FBXO42: variants seen among roughly 807,000 people sequenced by gnomAD.
FBXO42 encodes F-box protein 42, also known as F-box only protein 42.
FBXO42 carries 12 observed loss-of-function variants against 71.7 expected under a neutral mutation model. The ratio of observed to expected loss-of-function variants is 0.17; its 90% CI spans 0.11 to 0.27. The LOEUF (loss-of-function observed/expected upper bound fraction) is 0.27. FBXO42 is among the 10% of genes least tolerant of loss of function. FBXO42 has a pLI of 1.00. For missense variants in FBXO42, 707 were observed against 911.9 expected (o/e 0.78, Z 2.89); for synonymous variants, 325 against 327.5 (o/e 0.99, Z 0.08).
At chr1:16,265,860 A>G (rs1403415538) in intron 4 of FBXO42, among the ~76,000 whole-genome samples, 1 of 152,088 alleles carries the variant, frequency 6.6e-6, no homozygotes, top group African/African-American at 2.4e-5. Context: ...CCTGATCTGC[A>G]TACTACACAG....
chr1:16,338,972 G>A (rs1354441478), intron 1 of FBXO42, among the ~76,000 whole-genome samples: 22 of 151,272 alleles, frequency 1.5e-4, no homozygotes, highest in East Asian at 9.8e-4. Flanking sequence ...CATCACCCCC[G>A]GCTAATTTCT....
intron 1 of FBXO42, among the ~76,000 whole-genome samples, chr1:16,330,280 A>G (rs1031628054): frequency 1.3e-5 from 2 of 151,534 alleles, no homozygotes; most frequent in African/African-American, 4.8e-5. Context: ...CAGCACTTTG[A>G]GACGCCAAGA....
chr1:16,279,004 G>A (rs770906810), intron 4 of FBXO42, among the ~76,000 whole-genome samples: 2 of 152,062 alleles, frequency 1.3e-5, no homozygotes, highest in East Asian at 1.9e-4. Flanking sequence ...TCGAACTCCC[G>A]ACCTCAGGTG....
At chr1:16,300,907 T>G (rs1488089749) in intron 3 of FBXO42, among the ~76,000 whole-genome samples, 1 of 148,692 alleles carries the variant, frequency 6.7e-6, no homozygotes, top group African/African-American at 2.5e-5. Flanking sequence ...TTTTTTTTTT[T>G]TTTTTTTTTG....
At chr1:16,313,374 G>GAAAGAAAGAA (rs1557597991) in intron 2 of FBXO42, among the ~76,000 whole-genome samples, 57 of 139,530 alleles carry the variant, frequency 4.1e-4, no homozygotes, top group African/African-American at 1.5e-3. Flanking sequence ...GAAAGAAAGA[G>GAAAGAAAGAA]AAAAGAAAGA....
At chr1:16,350,757 A>AGAAGAAAGAAAGAAAGAAAGAAAGAAAG (rs1553156684) in intron 1 of FBXO42, among the ~76,000 whole-genome samples, 1 of 44,248 alleles carries the variant, frequency 2.3e-5, no homozygotes, top group Non-Finnish European at 4.1e-5. Context: ...AAAAAAAAAA[A>AGAAGAAAGAAAGAAAGAAAGAAAGAAAG]AAAGAAAGAA....
At chr1:16,319,525 G>A (rs11804394) in intron 1 of FBXO42, among the ~76,000 whole-genome samples, 4,036 of 152,222 alleles carry the variant, frequency 0.027, 179 homozygotes, top group African/African-American at 0.09. Flanking sequence ...GGTGGTATGG[G>A]GGAAAGGCAC....
chr1:16,313,848 G>A (rs2082339145), intron 2 of FBXO42, among the ~76,000 whole-genome samples: 1 of 152,076 alleles, frequency 6.6e-6, no homozygotes, highest in African/African-American at 2.4e-5. Context: ...CAAAAAATGG[G>A]CCCTTTCCAC....
At chr1:16,306,728 C>T (rs1260931428) in intron 2 of FBXO42, among the ~76,000 whole-genome samples, 2 of 152,062 alleles carry the variant, frequency 1.3e-5, no homozygotes, top group Non-Finnish European at 2.9e-5. Context: ...TAGACAGGGT[C>T]TCGCTCTGCT....
intron 3 of FBXO42, among the ~76,000 whole-genome samples, chr1:16,303,901 A>G (rs1351970152): frequency 6.7e-6 from 1 of 149,972 alleles, no homozygotes. Context: ...GCCCGCCACC[A>G]TGCCCGGGTA....
chr1:16,276,124 G>C (rs1362429975), intron 4 of FBXO42, among the ~76,000 whole-genome samples: 1 of 152,124 alleles, frequency 6.6e-6, no homozygotes, highest in Non-Finnish European at 1.5e-5. Flanking sequence ...GCTCACGCCT[G>C]TAATCCCAGC....
chr1:16,342,731 T>C (rs1185458417), intron 1 of FBXO42, among the ~76,000 whole-genome samples: 3 of 152,136 alleles, frequency 2.0e-5, no homozygotes, highest in Admixed American at 2.0e-4. Context: ...ATGTGGAAAT[T>C]TGATCCCCAA....
At position 16,305,906 on chromosome 1, in the gene FBXO42, C is replaced by A. The variant is rs753649747; in HGVS notation, c.264G>T (p.Gln88His). 6.2e-7 allele frequency: 1 copy of A among 1,613,474 alleles called. No homozygotes were observed. Among genetic ancestry groups the A allele is most frequent in the Non-Finnish European group, 8.5e-7 (1 of 1,179,436 alleles). ...WYRLIKGVAHQCYHGFMKAVQ... is the reference protein window; with the variant it reads ...WYRLIKGVAHHCYHGFMKAVQ... ...CAGCCTTCATGAAACCATGATAACA[C>A]TGATGGGCTACACCTAAGACAGAAA... The change falls in exon 3 of 10, where the codon CAG becomes CAT. Residue 88 changes from glutamine to histidine, a missense_variant. Transcript: ENST00000375592.
At chr1:16,349,640 C>T (rs1557611844) in intron 1 of FBXO42, among the ~76,000 whole-genome samples, 2 of 152,162 alleles carry the variant, frequency 1.3e-5, no homozygotes, top group Non-Finnish European at 2.9e-5. Context: ...GCAGGTGGAT[C>T]GCCTGCGGTC....
chr1:16,301,761 G>T (rs1007377504), intron 3 of FBXO42, among the ~76,000 whole-genome samples: 1 of 151,244 alleles, frequency 6.6e-6, no homozygotes. Context: ...ACAATCTTGT[G>T]GGGGAGACAT....
intron 1 of FBXO42, among the ~76,000 whole-genome samples, chr1:16,325,818 G>A (rs1258487243): frequency 6.6e-6 from 1 of 151,976 alleles, no homozygotes; most frequent in Non-Finnish European, 1.5e-5. Flanking sequence ...TAAAGACAGG[G>A]TTTCACCATG....
intron 4 of FBXO42, among the ~76,000 whole-genome samples, chr1:16,285,454 A>C (rs1362880064): frequency 6.6e-6 from 1 of 151,720 alleles, no homozygotes; most frequent in Non-Finnish European, 1.5e-5. Context: ...TTGTATTTTT[A>C]GTAGAGACGG....
At position 16,315,329 on chromosome 1, in the gene FBXO42, C is replaced by G. The variant is rs763820093; in HGVS notation, c.90G>C (p.Glu30Asp). 6.2e-7 allele frequency: 1 copy of G among 1,614,148 alleles called. No individual in the cohort carries two copies. The highest frequency in any genetic ancestry group is 8.5e-7 in the Non-Finnish European group (1 of 1,180,016). ...CAGCCTCCAATACTGGGTGGGGCTCCTCATCTTGATCCATTGTCCCTTCCA... is the reference window on the plus strand; with the variant it reads ...CAGCCTCCAATACTGGGTGGGGCTCGTCATCTTGATCCATTGTCCCTTCCA... ...TVLEGTMDQD[E>D]EPHPVLEAEE... The change falls in exon 2 of 10, where the codon GAG (glutamate) becomes GAC (aspartate). Residue 30 changes from glutamate to aspartate, a missense_variant. By Grantham distance (45) the Glu-to-Asp change is conservative. Transcript: ENST00000375592.
At chr1:16,259,649 C>A (rs1014431013) in intron 4 of FBXO42, among the ~76,000 whole-genome samples, 12 of 151,622 alleles carry the variant, frequency 7.9e-5, no homozygotes, top group Admixed American at 2.0e-4. Flanking sequence ...GCCTGTAATT[C>A]CAGCTACTCA....
Sources: gnomAD v4.1 joint callset for allele counts (sites outside exome capture counted in the v4.1 genomes callset) on GRCh38, gnomAD v4.1.1 for gene constraint, MANE v1.5 for transcripts, NCBI Gene and HGNC (gene_info 2026-07-23, HGNC 2026-07-21) for gene names.